Variants in LUC7L observed in about 807,000 individuals in gnomAD.
LUC7L encodes the protein putative RNA-binding protein Luc7-like 1.
LUC7L carries 29 observed loss-of-function variants against 51.1 expected under a neutral mutation model. The observed-to-expected ratio is 0.57, with a 90% CI of 0.42 to 0.77. The LOEUF is 0.77. LUC7L is among the 30% of genes least tolerant of loss of function. The pLI is 0.00. For missense variants in LUC7L, 403 were observed against 511.9 expected (o/e 0.79, Z 2.05); for synonymous variants, 181 against 180.7 (o/e 1.00, Z -0.01).
rs773224045 is a variant in LUC7L at position 189,276 on chromosome 16, G to T, written c.1038C>A (p.Pro346=). 1 of 1,613,734 alleles carries T rather than the reference G, an allele frequency of 6.2e-7. No individual in the cohort carries two copies. ...SWESGRSERG[P]PDWRLESSNG... ...TGGAGCTCTCAAGCCTCCAGTCCGG[G>T]GGCCCTCGCTCGCTCCGCCCGCTCT... Residue 346 remains proline (P), a synonymous_variant, in exon 10 of 10, where the codon CCC becomes CCA. Coordinates refer to ENST00000293872, the MANE Select transcript of LUC7L (RefSeq NM_201412.3).
intron 1 of LUC7L, chr16:229,009 G>C: frequency 2.1e-6 from 3 of 1,450,724 alleles, no homozygotes; most frequent in Non-Finnish European, 2.7e-6. Flanking sequence ...GCCCGCCGGG[G>C]AGGAAGTAGC....
At chr16:200,065 G>C (rs1340765668) in intron 5 of LUC7L, among the ~76,000 whole-genome samples, 1 of 151,840 alleles carries the variant, frequency 6.6e-6, no homozygotes, top group African/African-American at 2.4e-5. Context: ...AAGGCAGACA[G>C]ATCACTTGAG....
chr16:201,806 C>T (rs564832242), intron 5 of LUC7L, among the ~76,000 whole-genome samples: 4 of 142,650 alleles, frequency 2.8e-5, no homozygotes, highest in East Asian at 2.0e-4. Context: ...TGCAATGGCA[C>T]GATCTCTGTT....
intron 3 of LUC7L, among the ~76,000 whole-genome samples, chr16:213,406 G>T (rs948114739): frequency 6.6e-6 from 1 of 151,438 alleles, no homozygotes; most frequent in African/African-American, 2.4e-5. Flanking sequence ...TTTTTTTTTG[G>T]AAGGGGACAG....
intron 4 of LUC7L, 140 bp from the exon 5 acceptor site, chr16:206,287 T>C (rs926319810): frequency 6.5e-6 from 5 of 775,146 alleles, no homozygotes; most frequent in Middle Eastern, 3.5e-4. Flanking sequence ...GAAGGCATCC[T>C]TACTGCCAGC....
rs756733979 is a variant in LUC7L, at chr16:220,635, T to C, written c.255+14A>G. The C allele has an allele frequency of 6.3e-7, 1 of 1,575,650 alleles. No individual in the cohort carries two copies. Among genetic ancestry groups the C allele is most frequent in the Non-Finnish European group, 8.7e-7 (1 of 1,146,470 alleles). On this transcript the variant is annotated intron_variant, in intron 3 of 9. Coordinates refer to ENST00000293872, the MANE Select transcript of LUC7L (RefSeq NM_201412.3). ...CTTCGCAGTAGGAATAAATCAACAT[T>C]AAATAAAACTTACATCTAATTCAAA... is the stretch of plus-strand genomic sequence containing the variant.
At chr16:221,402 G>C (rs1403009061) in intron 2 of LUC7L, among the ~76,000 whole-genome samples, 2 of 152,000 alleles carry the variant, frequency 1.3e-5, no homozygotes, top group East Asian at 3.9e-4. Flanking sequence ...TGGGGTGGCA[G>C]GGATAGGAAA....
intron 3 of LUC7L, chr16:208,636 T>C: frequency 1.0e-6 from 1 of 990,814 alleles, no homozygotes; most frequent in Non-Finnish European, 1.2e-6. Flanking sequence ...TATTCCCTCA[T>C]GTTCTGAGGG....
intron 5 of LUC7L, among the ~76,000 whole-genome samples, chr16:201,242 TAAAA>T (rs764945208): frequency 3.8e-5 from 3 of 78,520 alleles, no homozygotes; most frequent in Non-Finnish European, 6.8e-5. Context: ...GCTACATAAC[TAAAA>T]AAAAAAAAAA....
chr16:216,798 G>C (rs1364240144), intron 3 of LUC7L, among the ~76,000 whole-genome samples: 3 of 152,080 alleles, frequency 2.0e-5, no homozygotes, highest in African/African-American at 7.2e-5. Context: ...GGACAAAAAG[G>C]TCTCTGACCT....
intron 6 of LUC7L, among the ~76,000 whole-genome samples, chr16:197,044 A>G (rs2049169710): frequency 6.7e-6 from 1 of 149,074 alleles, no homozygotes; most frequent in South Asian, 2.1e-4. Context: ...AGTAGCTGGG[A>G]CTACAGGTGC....
rs748995158 is a variant in LUC7L at position 206,073 on chromosome 16, A to G, written c.441T>C (p.Gly147=). ...GAATCTTCTGGGATTCATCCACATTACCTTCAGCCCCTAGCTGTTCGGCTT... is the reference window on the plus strand; with the variant it reads ...GAATCTTCTGGGATTCATCCACATTGCCTTCAGCCCCTAGCTGTTCGGCTT... ...LAKAEQLGAE[G]NVDESQKILM... The change falls in exon 5 of 10, where the codon GGT becomes GGC. Residue 147 remains glycine (G), a synonymous_variant. Transcript: ENST00000293872. The G allele has an allele frequency of 1.9e-6, 3 of 1,613,496 alleles. No homozygotes were observed. Among genetic ancestry groups the G allele is most frequent in the Non-Finnish European group, 2.5e-6 (3 of 1,179,876 alleles).
chr16:216,882 G>C (rs2049817024), intron 3 of LUC7L, among the ~76,000 whole-genome samples: 2 of 151,946 alleles, frequency 1.3e-5, no homozygotes, highest in Non-Finnish European at 2.9e-5. Flanking sequence ...TTTTTGTAGA[G>C]ACGGGGTTTC....
chr16:199,403 CTGTT>C (rs952176493), intron 5 of LUC7L, among the ~76,000 whole-genome samples, 165 bp from the exon 6 acceptor site: 11 of 152,172 alleles, frequency 7.2e-5, no homozygotes, highest in African/African-American at 2.4e-4. Flanking sequence ...TCAATTTTCA[CTGTT>C]TATTTAAGAA....
Position 192,940 on chromosome 16 carries a change from G to A in LUC7L, c.763C>T (p.Arg255Cys), listed in dbSNP as rs763299823. The change falls in exon 7 of 10, where the codon CGT becomes TGT. Residue 255 changes from arginine (R) to cysteine (C), a missense_variant. Arg to Cys is a radical substitution (Grantham distance 180, BLOSUM62 -3). Coordinates refer to ENST00000293872, the MANE Select transcript of LUC7L (RefSeq NM_201412.3). Reference protein sequence around the residue: ...RRREEREREERLSRRSGSRTR... With the variant: ...RRREEREREECLSRRSGSRTR... ...CCTCAGGCTCACCTCCTGCTCAGACGCTCCTCCCGTTCCCTCTCCTCTCTC... is the reference window on the plus strand; with the variant it reads ...CCTCAGGCTCACCTCCTGCTCAGACACTCCTCCCGTTCCCTCTCCTCTCTC... The A allele has an allele frequency of 3.1e-6, 5 of 1,612,658 alleles. No homozygotes were observed. Among genetic ancestry groups the A allele is most frequent in the Admixed American group, 1.7e-5 (1 of 59,980 alleles).
intron 7 of LUC7L, among the ~76,000 whole-genome samples, chr16:191,525 T>A (rs1245808626): frequency 1.3e-5 from 2 of 152,158 alleles, no homozygotes; most frequent in Non-Finnish European, 2.9e-5. Context: ...CTGTTTAAGT[T>A]TCTCTCCAAT....
intron 5 of LUC7L, among the ~76,000 whole-genome samples, chr16:202,046 A>AT (rs2049349327): frequency 6.6e-6 from 1 of 151,730 alleles, no homozygotes; most frequent in Non-Finnish European, 1.5e-5. Flanking sequence ...GCCCGGCCAT[A>AT]TTTTTAATTT....
intron 3 of LUC7L, among the ~76,000 whole-genome samples, chr16:215,379 G>C (rs528179401): frequency 7.4e-4 from 113 of 152,214 alleles, no homozygotes; most frequent in South Asian, 2.9e-3. Flanking sequence ...CCAGCACTTT[G>C]GGAGGCCGAG....
chr16:190,720 G>A, intron 7 of LUC7L, 150 bp from the exon 8 acceptor site: 2 of 687,642 alleles, frequency 2.9e-6, no homozygotes, highest in East Asian at 2.6e-5. Context: ...TCTCTACTGA[G>A]AACACAAAAC....
Sources: allele counts gnomAD v4.1 joint callset (sites outside exome capture counted in the v4.1 genomes callset), GRCh38; gene constraint gnomAD v4.1.1; transcripts MANE v1.5; gene names NCBI Gene and HGNC (gene_info 2026-07-23, HGNC 2026-07-21).